TMOD2: variants seen among roughly 807,000 people sequenced by gnomAD.
TMOD2 encodes the protein tropomodulin 2.
Under a neutral mutation model 39.9 loss-of-function variants are expected in TMOD2, and 22 were observed. That is an observed-to-expected ratio of 0.55 (90% CI 0.39 to 0.79). The LOEUF (loss-of-function observed/expected upper bound fraction) is 0.79, where lower values mean the gene tolerates loss of function less well. Ranked by LOEUF, TMOD2 falls within the 30% of genes least tolerant of loss-of-function variation. TMOD2 has a pLI of 0.00. For synonymous variants in TMOD2, 123 were observed against 146.1 expected, an observed-to-expected ratio of 0.84 and a Z score of 1.14; for missense variants, 386 against 413.3, an observed-to-expected ratio of 0.93 and a Z score of 0.57.
At chr15:51,785,833 A>G (rs1381062293) in intron 7 of TMOD2, among the ~76,000 whole-genome samples, 1 of 152,218 alleles carries the variant, frequency 6.6e-6, no homozygotes, top group Admixed American at 6.5e-5. Context: ...CTTTGAGGTG[A>G]TGGCTATTCC....
At chr15:51,763,535 A>C (rs1043225892) in intron 1 of TMOD2, among the ~76,000 whole-genome samples, 9 of 152,192 alleles carry the variant, frequency 5.9e-5, no homozygotes, top group Non-Finnish European at 1.2e-4. Flanking sequence ...AAAAAACAAA[A>C]CTAAAACTAA....
Position 51,805,683 on chromosome 15 carries a change from T to C in TMOD2, c.877-694T>C, listed in dbSNP as rs190978471. ...AAGAAAGGATAAATGCTTGAAGTGA[T>C]GGATACCCCATTTACCCTGATGTGA... On this transcript the variant is annotated intron_variant, in intron 8 of 9. Transcript: ENST00000249700. Among the ~76,000 whole-genome samples, 59 of 152,356 alleles carry C rather than the reference T, an allele frequency of 3.9e-4. 1 individual carries two copies. The East Asian group carries it at 8.9e-3, about 23-fold the overall frequency.
chr15:51,795,106 T>C (rs2056038648), intron 7 of TMOD2, among the ~76,000 whole-genome samples: 1 of 152,166 alleles, frequency 6.6e-6, no homozygotes. Flanking sequence ...AATTCTGAAA[T>C]TTCACTTGTC....
At chr15:51,759,263 A>G (rs985516582) in intron 1 of TMOD2, among the ~76,000 whole-genome samples, 5 of 152,310 alleles carry the variant, frequency 3.3e-5, no homozygotes, top group Middle Eastern at 3.4e-3. Flanking sequence ...AGGAGGAAAG[A>G]TGATGAGAGC....
chr15:51,775,981 TC>T (rs2055886167), intron 4 of TMOD2, among the ~76,000 whole-genome samples: 1 of 152,186 alleles, frequency 6.6e-6, no homozygotes, highest in South Asian at 2.1e-4. Context: ...ATAATTATTA[TC>T]CCTGTTTTAC....
intron 3 of TMOD2, among the ~76,000 whole-genome samples, chr15:51,771,273 G>C (rs910181835): frequency 6.6e-6 from 1 of 152,220 alleles, no homozygotes; most frequent in Non-Finnish European, 1.5e-5. Flanking sequence ...AGAAGGACCA[G>C]TGAACCATCC....
chr15:51,767,398 T>A (rs1482258635), intron 2 of TMOD2, among the ~76,000 whole-genome samples: 1 of 152,206 alleles, frequency 6.6e-6, no homozygotes, highest in Admixed American at 6.5e-5. Context: ...GATGAACTTA[T>A]AACAAAGAAT....
chr15:51,807,379 T>A (rs910631126), intron 9 of TMOD2, among the ~76,000 whole-genome samples: 1 of 152,112 alleles, frequency 6.6e-6, no homozygotes, highest in Non-Finnish European at 1.5e-5. Context: ...AAGGTTAGCC[T>A]CCAATTCCTT....
At chr15:51,758,464 A>G (rs1276974563) in intron 1 of TMOD2, among the ~76,000 whole-genome samples, 1 of 152,194 alleles carries the variant, frequency 6.6e-6, no homozygotes, top group Admixed American at 6.5e-5. Flanking sequence ...TCACAGGGAG[A>G]GGAAGCAGTG....
chr15:51,753,806 G>A (rs544497032), intron 1 of TMOD2, among the ~76,000 whole-genome samples: 1 of 151,732 alleles, frequency 6.6e-6, no homozygotes, highest in East Asian at 1.9e-4. Context: ...CAGGAACGTA[G>A]CAAATGTGGC....
At chr15:51,798,430 T>A in intron 8 of TMOD2, 90 bp downstream of exon 8, 1 of 1,450,966 alleles carries the variant, frequency 6.9e-7, no homozygotes, top group Non-Finnish European at 9.4e-7. Context: ...AAAGACACAG[T>A]TCTGTGTGTG....
rs184837044 is a variant in TMOD2 at position 51,803,625 on chromosome 15, A to G, written c.877-2752A>G. ...GATATCTAGAAGATTGATAAATTTG[A>G]CCATATGAAAATGAAGAAAAGTCCT... On this transcript the variant is annotated intron_variant, in intron 8 of 9. Coordinates refer to ENST00000249700, the MANE Select transcript of TMOD2 (RefSeq NM_014548.4). Among the ~76,000 whole-genome samples, 260 of 152,350 alleles carry G rather than the reference A, an allele frequency of 1.7e-3. 11 individuals are homozygous for G. Among genetic ancestry groups the G allele is most frequent in the East Asian group, 0.017 (88 of 5,190 alleles).
intron 8 of TMOD2, among the ~76,000 whole-genome samples, chr15:51,805,918 T>G (rs1406080609): frequency 1.3e-5 from 2 of 152,222 alleles, no homozygotes; most frequent in East Asian, 1.9e-4. Flanking sequence ...TTATGTGTAT[T>G]TTACCACAAT....
At chr15:51,801,755 T>A (rs1213823951) in intron 8 of TMOD2, among the ~76,000 whole-genome samples, 1 of 152,168 alleles carries the variant, frequency 6.6e-6, no homozygotes, top group Non-Finnish European at 1.5e-5. Context: ...GAAGGCGATT[T>A]GAAGATATGC....
rs566451647 is a variant in TMOD2 at position 51,781,364 on chromosome 15, A to G, written c.624+190A>G. Among the ~76,000 whole-genome samples the G allele has an allele frequency of 8.8e-4, 134 of 152,356 alleles. 2 individuals carry two copies. In the South Asian group the frequency reaches 0.018, roughly 20 times the overall value. On this transcript the variant is annotated intron_variant, in intron 6 of 9. Coordinates refer to ENST00000249700, the MANE Select transcript of TMOD2 (RefSeq NM_014548.4). ...TTTCTATAATTATTTGAAAAGAATCACCATACCTGAGTTAAGCATAGTACA... is the reference window on the plus strand; with the variant it reads ...TTTCTATAATTATTTGAAAAGAATCGCCATACCTGAGTTAAGCATAGTACA...
At chr15:51,784,505 T>C (rs1176271808) in intron 7 of TMOD2, 1 of 152,206 alleles carries the variant, frequency 6.6e-6, no homozygotes, top group Non-Finnish European at 1.5e-5. Context: ...CCTCTAGCAA[T>C]AGAGAATATT....
At chr15:51,768,110 G>T in intron 2 of TMOD2, 152 bp from the exon 3 acceptor site, 1 of 838,468 alleles carries the variant, frequency 1.2e-6, no homozygotes. Flanking sequence ...CCTCAGAGGC[G>T]TCCCAGAGCC....
At chr15:51,802,111 CAT>C (rs1487828997) in intron 8 of TMOD2, among the ~76,000 whole-genome samples, 1 of 151,806 alleles carries the variant, frequency 6.6e-6, no homozygotes, top group East Asian at 1.9e-4. Flanking sequence ...GAGGAAGAAA[CAT>C]AGTGTATGTT....
chr15:51,781,269 A>C, intron 6 of TMOD2, 95 bp downstream of exon 6: 1 of 1,144,672 alleles, frequency 8.7e-7, no homozygotes, highest in East Asian at 2.5e-5. Context: ...ACCTGTTTGC[A>C]GTTCTTTGTA....
Sources: allele counts gnomAD v4.1 joint callset (sites outside exome capture counted in the v4.1 genomes callset), GRCh38; gene constraint gnomAD v4.1.1; transcripts MANE v1.5; gene names NCBI Gene and HGNC (gene_info 2026-07-23, HGNC 2026-07-21).